Variants in MAPK10 observed in about 807,000 individuals in gnomAD.
MAPK10 encodes the protein JNK3 alpha protein kinase.
MAPK10 carries 25 observed loss-of-function variants against 59.3 expected under a neutral mutation model. The ratio of observed to expected loss-of-function variants is 0.42; its 90% CI spans 0.31 to 0.59. MAPK10 has a LOEUF of 0.59. MAPK10 is among the 20% of genes least tolerant of loss of function. The pLI, the probability that MAPK10 is intolerant of heterozygous loss-of-function variation, is 0.15. For missense variants in MAPK10, 351 were observed against 568.9 expected (o/e 0.62, Z 3.90); for synonymous variants, 190 against 200.5 (o/e 0.95, Z 0.44).
intron 1 of MAPK10, among the ~76,000 whole-genome samples, chr4:86,390,735 T>C (rs995207661): frequency 2.0e-5 from 3 of 152,188 alleles, no homozygotes; most frequent in African/African-American, 4.8e-5. Flanking sequence ...CAACTTAGCC[T>C]ATAGGATTTC....
chr4:86,120,640 T>G (rs893671590), intron 4 of MAPK10: 5 of 152,234 alleles, frequency 3.3e-5, no homozygotes, highest in Non-Finnish European at 7.3e-5. Context: ...TCAGTTTCTC[T>G]TCTTTGATCT....
intron 2 of MAPK10, among the ~76,000 whole-genome samples, chr4:86,291,131 C>G (rs1234056645): frequency 6.6e-6 from 1 of 152,212 alleles, no homozygotes; most frequent in African/African-American, 2.4e-5. Flanking sequence ...CTGGGTCAGA[C>G]TTCACCTGTG....
chr4:86,274,489 C>T (rs139908381), intron 2 of MAPK10, among the ~76,000 whole-genome samples: 228 of 151,980 alleles, frequency 1.5e-3, no homozygotes, highest in African/African-American at 5.2e-3. Context: ...TTTCCCCACA[C>T]CTCAGCTTTC....
At chr4:86,590,643 G>A (rs1762973704) in intron 1 of MAPK10, among the ~76,000 whole-genome samples, 1 of 151,952 alleles carries the variant, frequency 6.6e-6, no homozygotes, top group African/African-American at 2.4e-5. Context: ...AAAATTAGCT[G>A]GGCATGGTGG....
chr4:86,219,552 T>C (rs547491439), intron 2 of MAPK10, among the ~76,000 whole-genome samples: 1 of 152,324 alleles, frequency 6.6e-6, no homozygotes, highest in South Asian at 2.1e-4. Context: ...TTTAAAATAA[T>C]ACTTCTTATA....
intron 3 of MAPK10, among the ~76,000 whole-genome samples, chr4:86,168,231 A>C (rs914016411): frequency 6.6e-6 from 1 of 152,198 alleles, no homozygotes; most frequent in African/African-American, 2.4e-5. Flanking sequence ...GGTGCAACGC[A>C]CCGTGCACCA....
At chr4:86,162,989 G>A (rs1420003559) in intron 3 of MAPK10, among the ~76,000 whole-genome samples, 1 of 151,940 alleles carries the variant, frequency 6.6e-6, no homozygotes, top group Admixed American at 6.6e-5. Context: ...ATCATTACAA[G>A]GTTTGTGAAT....
intron 4 of MAPK10, chr4:86,120,418 A>C (rs2059044351): frequency 6.6e-6 from 1 of 152,296 alleles, no homozygotes; most frequent in South Asian, 2.1e-4. Flanking sequence ...GGAAGACCAC[A>C]CAAAGATTAT....
intron 2 of MAPK10, among the ~76,000 whole-genome samples, chr4:86,330,905 G>A (rs907257784): frequency 3.9e-5 from 6 of 152,038 alleles, no homozygotes; most frequent in East Asian, 1.9e-4. Flanking sequence ...ACTTGTTGGC[G>A]TTCTTTCTGG....
In MAPK10 at chr4:86,289,223, A is replaced by C. The variant is rs1318773079; in HGVS notation, c.-7+65307T>G. Among the ~76,000 whole-genome samples, 5 of 152,174 alleles carry C rather than the reference A, an allele frequency of 3.3e-5. No individual in the cohort carries two copies. The East Asian group carries it at 9.6e-4, about 29-fold the overall frequency. ...GCAGGAGATGCTCGGATGAGTGTGC[A>C]AAGTGCCAGGGAAGGTTATGTCTTG... On this transcript the variant is annotated intron_variant, in intron 2 of 13. Coordinates refer to ENST00000641462, the MANE Select transcript of MAPK10 (RefSeq NM_138982.4).
chr4:86,159,130 C>G, intron 4 of MAPK10, 168 bp downstream of exon 4: 1 of 465,366 alleles, frequency 2.1e-6, no homozygotes, highest in African/African-American at 2.0e-5. Flanking sequence ...AAGTGGATAA[C>G]AAATTAAACA....
chr4:86,409,383 G>C (rs930272225), intron 1 of MAPK10, among the ~76,000 whole-genome samples: 1 of 152,124 alleles, frequency 6.6e-6, no homozygotes, highest in African/African-American at 2.4e-5. Context: ...GGCTATGCAG[G>C]CTCTTTTTTT....
At chr4:86,522,201 T>C (rs183699190) in intron 1 of MAPK10, among the ~76,000 whole-genome samples, 8 of 152,360 alleles carry the variant, frequency 5.3e-5, no homozygotes, top group African/African-American at 1.7e-4. Flanking sequence ...TTTGGCTGTC[T>C]TGTGGCATTT....
chr4:86,287,566 A>C lies in MAPK10; in HGVS notation c.-7+66964T>G, dbSNP rs1162619792. 2.6e-5 allele frequency among the ~76,000 whole-genome samples: 4 copies of C among 152,202 alleles called. No individual in the cohort carries two copies. In the East Asian group the frequency reaches 7.7e-4, roughly 29 times the overall value. Reference sequence around the variant, plus strand: ...TTTCAAAGCATCAGGCGTTCTAAAAATCTCAAGAGAGTTGTGACTTTTATT... The same window carrying C: ...TTTCAAAGCATCAGGCGTTCTAAAACTCTCAAGAGAGTTGTGACTTTTATT... On this transcript the variant is annotated intron_variant, in intron 2 of 13. Coordinates refer to ENST00000641462, the MANE Select transcript of MAPK10 (RefSeq NM_138982.4).
At chr4:86,559,548 T>C (rs1760513954) in intron 1 of MAPK10, among the ~76,000 whole-genome samples, 1 of 152,162 alleles carries the variant, frequency 6.6e-6, no homozygotes, top group South Asian at 2.1e-4. Flanking sequence ...AATGCAAAGA[T>C]TACATTTCAG....
chr4:86,361,677 A>C (rs1220110458), upstream of MAPK10, among the ~76,000 whole-genome samples: 1 of 152,100 alleles, frequency 6.6e-6, no homozygotes, highest in African/African-American at 2.4e-5. Context: ...ACACACACAC[A>C]CACATGCTGG....
intron 2 of MAPK10, among the ~76,000 whole-genome samples, chr4:86,315,720 G>T (rs1166252625): frequency 5.3e-5 from 8 of 152,070 alleles, no homozygotes; most frequent in Non-Finnish European, 8.8e-5. Context: ...GTACAGGGTT[G>T]CTTTCTAATG....
chr4:86,398,807 G>C (rs977190495), intron 1 of MAPK10, among the ~76,000 whole-genome samples: 2 of 152,062 alleles, frequency 1.3e-5, no homozygotes, highest in Admixed American at 1.3e-4. Flanking sequence ...CCATCTTTAT[G>C]TCTATAAGTA....
At chr4:86,369,221 C>A (rs1312614966) in intron 1 of MAPK10, among the ~76,000 whole-genome samples, 2 of 152,110 alleles carry the variant, frequency 1.3e-5, no homozygotes, top group Non-Finnish European at 2.9e-5. Context: ...AAGGCAGTCA[C>A]TGAGGTAGGC....
Sources: gnomAD v4.1 joint callset for allele counts (sites outside exome capture counted in the v4.1 genomes callset) on GRCh38, gnomAD v4.1.1 for gene constraint, MANE v1.5 for transcripts, NCBI Gene and HGNC (gene_info 2026-07-23, HGNC 2026-07-21) for gene names.